EFCAB6: variants seen among roughly 807,000 people sequenced by gnomAD.
EFCAB6 encodes the protein EF-hand calcium binding domain 6.
Under a neutral mutation model 169.8 loss-of-function variants are expected in EFCAB6, and 156 were observed. The ratio of observed to expected loss-of-function variants is 0.92; its 90% CI spans 0.81 to 1.05. The LOEUF (loss-of-function observed/expected upper bound fraction) is 1.05. Ranked by LOEUF, EFCAB6 falls within the 50% of genes least tolerant of loss-of-function variation. The pLI, the probability that EFCAB6 is intolerant of heterozygous loss-of-function variation, is 0.00. For missense variants in EFCAB6, 1,800 were observed against 1,829.1 expected, an observed-to-expected ratio of 0.98 and a Z score of 0.29; for synonymous variants, 698 against 676.4, an observed-to-expected ratio of 1.03 and a Z score of -0.50.
chr22:43,666,969 T>C, intron 17 of EFCAB6, 135 bp downstream of exon 17: 1 of 1,178,162 alleles, frequency 8.5e-7, no homozygotes. Context: ...AAAAAAATCC[T>C]TTTAAATTGT....
intron 20 of EFCAB6, among the ~76,000 whole-genome samples, chr22:43,617,918 A>G (rs2053809296): frequency 6.6e-6 from 1 of 151,896 alleles, no homozygotes; most frequent in South Asian, 2.1e-4. Context: ...CCTGGCCAAC[A>G]TGGTGAAACC....
At position 43,645,229 on chromosome 22, in the gene EFCAB6, T is replaced by C. The variant is rs1234763837; in HGVS notation, c.1984-10013A>G. The stretch of plus-strand genomic sequence containing the variant: ...AATTCACTTACACCTCCTGCCTTTG[T>C]AGTTCTGGTATTCACTTTACTATGT... On this transcript the variant is annotated intron_variant, in intron 17 of 31. Coordinates refer to ENST00000262726, the MANE Select transcript of EFCAB6 (RefSeq NM_022785.4). Among the ~76,000 whole-genome samples, 4 of 152,246 alleles carry C rather than the reference T, an allele frequency of 2.6e-5. No individual in the cohort carries two copies. The South Asian group carries it at 6.2e-4, about 24-fold the overall frequency.
At chr22:43,639,159 T>C (rs1219213183) in intron 17 of EFCAB6, among the ~76,000 whole-genome samples, 2 of 152,220 alleles carry the variant, frequency 1.3e-5, no homozygotes, top group African/African-American at 4.8e-5. Context: ...AATATTCCTA[T>C]GCGGTTTTTA....
At chr22:43,774,535 G>A (rs1253862931) in intron 3 of EFCAB6, among the ~76,000 whole-genome samples, 1 of 151,562 alleles carries the variant, frequency 6.6e-6, no homozygotes. Context: ...CGGGGGCTGG[G>A]GATGACTCTC....
rs150842512 is a variant in EFCAB6, at chr22:43,623,691, C to T, written c.2465+2756G>A. 9.2e-3 allele frequency among the ~76,000 whole-genome samples: 1,329 copies of T among 144,308 alleles called. 27 individuals carry two copies. Among genetic ancestry groups the T allele is most frequent in the African/African-American group, 0.033 (1,258 of 38,558 alleles). 94.7% of individuals were successfully genotyped at this position (144,308 alleles called of 152,430 possible). Reference sequence around the variant, plus strand: ...TGGGCGTATCACGAGGTCAGGAGATCGAGACCATCCTGGCTAACATAGTGA... The same window carrying T: ...TGGGCGTATCACGAGGTCAGGAGATTGAGACCATCCTGGCTAACATAGTGA... On this transcript the variant is annotated intron_variant, in intron 20 of 31. Coordinates refer to ENST00000262726, the MANE Select transcript of EFCAB6 (RefSeq NM_022785.4).
chr22:43,596,274 C>T (rs1282750473), intron 23 of EFCAB6, among the ~76,000 whole-genome samples: 1 of 151,748 alleles, frequency 6.6e-6, no homozygotes, highest in Non-Finnish European at 1.5e-5. Flanking sequence ...AGAAATAAAG[C>T]GCATCCAAAT....
At chr22:43,592,644 G>A (rs1365138641) in intron 23 of EFCAB6, among the ~76,000 whole-genome samples, 3 of 152,140 alleles carry the variant, frequency 2.0e-5, no homozygotes, top group Non-Finnish European at 4.4e-5. Context: ...AAGCTGCGCT[G>A]GGTCTATGTC....
At chr22:43,565,543 G>A (rs1569166883) in intron 26 of EFCAB6, among the ~76,000 whole-genome samples, 1 of 152,230 alleles carries the variant, frequency 6.6e-6, no homozygotes, top group Non-Finnish European at 1.5e-5. Flanking sequence ...CCCTTGGTGA[G>A]TATCCAAGAT....
rs539380688 is a variant in EFCAB6, at chr22:43,537,162, A to C, written c.4048+215T>G. On this transcript the variant is annotated intron_variant, in intron 29 of 31. Coordinates refer to ENST00000262726, the MANE Select transcript of EFCAB6 (RefSeq NM_022785.4). The surrounding 1 kb of genome is among the most constrained non-coding windows in gnomAD (Gnocchi z 4.3). The stretch of plus-strand genomic sequence containing the variant: ...TAGTGCAGCGCTGACTTTACCATGC[A>C]GATGGGCCCCCTGCTGGGAGGGCCG... 47 of 518,644 alleles carry C rather than the reference A, an allele frequency of 9.1e-5. No homozygotes were observed. Among genetic ancestry groups the C allele is most frequent in the African/African-American group, 8.5e-4 (45 of 52,902 alleles). The allele number at this position is 518,644 out of a possible 1,614,324, so 32.1% of individuals were successfully genotyped here.
At chr22:43,714,677 A>C (rs1048280663) in intron 9 of EFCAB6, among the ~76,000 whole-genome samples, 2 of 152,226 alleles carry the variant, frequency 1.3e-5, no homozygotes, top group Non-Finnish European at 2.9e-5. Flanking sequence ...AAAGGAAAAG[A>C]AAGCATGATG....
chr22:43,633,708 G>C (rs955477261), intron 18 of EFCAB6, among the ~76,000 whole-genome samples: 3 of 152,166 alleles, frequency 2.0e-5, no homozygotes, highest in African/African-American at 7.2e-5. Context: ...TGTTGCTCCT[G>C]CGCCCTCCCC....
intron 27 of EFCAB6, among the ~76,000 whole-genome samples, chr22:43,540,828 G>A (rs757991792): frequency 6.6e-6 from 1 of 152,080 alleles, no homozygotes; most frequent in Admixed American, 6.6e-5. Context: ...TTGCATCCAC[G>A]ATTTATTTCA....
intron 22 of EFCAB6, among the ~76,000 whole-genome samples, chr22:43,604,408 G>A (rs1191457955): frequency 6.6e-6 from 1 of 152,168 alleles, no homozygotes; most frequent in Admixed American, 6.5e-5. Context: ...TGCCAGACAT[G>A]AGAACCACAC....
At chr22:43,629,773 G>A (rs923264403) in intron 19 of EFCAB6, among the ~76,000 whole-genome samples, 1 of 152,102 alleles carries the variant, frequency 6.6e-6, no homozygotes, top group Non-Finnish European at 1.5e-5. Flanking sequence ...ATGTGCAAAC[G>A]CTTAGAGGCA....
intron 20 of EFCAB6, among the ~76,000 whole-genome samples, chr22:43,618,132 GA>G (rs1193936036): frequency 1.3e-5 from 1 of 78,132 alleles, no homozygotes; most frequent in Admixed American, 1.8e-4. Context: ...AAAAAAGAAA[GA>G]GACAGAGAGG....
intron 27 of EFCAB6, chr22:43,554,627 G>A (rs866009012): frequency 8.4e-5 from 44 of 523,778 alleles, no homozygotes; most frequent in African/African-American, 6.7e-4. Context: ...CCGAAGCGGA[G>A]TTGAATTTGA....
intron 25 of EFCAB6, among the ~76,000 whole-genome samples, chr22:43,579,782 A>C (rs2050593674): frequency 6.6e-6 from 1 of 150,962 alleles, no homozygotes; most frequent in Non-Finnish European, 1.5e-5. Context: ...ATCATTCCCT[A>C]CAGGCAAGCA....
intron 6 of EFCAB6, among the ~76,000 whole-genome samples, chr22:43,751,507 G>C (rs1472063779): frequency 6.6e-6 from 1 of 152,226 alleles, no homozygotes; most frequent in Non-Finnish European, 1.5e-5. Flanking sequence ...AGCTGTCTGA[G>C]GTCTCGGGCG....
chr22:43,805,698 A>C (rs2062892959), intron 2 of EFCAB6, among the ~76,000 whole-genome samples: 1 of 152,230 alleles, frequency 6.6e-6, no homozygotes, highest in Admixed American at 6.5e-5. Context: ...GCTAGAAAAG[A>C]AGAATTTGAA....
Sources: allele counts gnomAD v4.1 joint callset (sites outside exome capture counted in the v4.1 genomes callset), GRCh38; gene constraint gnomAD v4.1.1; non-coding constraint Gnocchi (gnomAD v3.1); transcripts MANE v1.5; gene names NCBI Gene and HGNC (gene_info 2026-07-23, HGNC 2026-07-21).